The following LIPC variants were observed in gnomAD, a reference collection of about 807,000 sequenced individuals.
The protein encoded by LIPC is hepatic triacylglycerol lipase.
Under a neutral mutation model 50.7 loss-of-function variants are expected in LIPC, and 44 were observed. The observed-to-expected ratio is 0.87, with a 90% CI of 0.68 to 1.11. LIPC has a LOEUF of 1.11. Ranked by LOEUF, LIPC falls within the 50% of genes most tolerant of loss-of-function variation. The pLI, the probability that LIPC is intolerant of heterozygous loss-of-function variation, is 0.00. For missense variants in LIPC, 697 were observed against 648.2 expected, an observed-to-expected ratio of 1.08 and a Z score of -0.82; for synonymous variants, 271 against 256.4, an observed-to-expected ratio of 1.06 and a Z score of -0.54.
intron 1 of LIPC, among the ~76,000 whole-genome samples, chr15:58,474,509 T>A (rs1326919357): frequency 1.8e-5 from 1 of 56,264 alleles, no homozygotes; most frequent in Non-Finnish European, 3.5e-5. Flanking sequence ...AGACCCTGTC[T>A]CAGGAAAAAA....
chr15:58,536,742 A>T (rs2140902723), intron 1 of LIPC, among the ~76,000 whole-genome samples: 1 of 152,380 alleles, frequency 6.6e-6, no homozygotes, highest in East Asian at 1.9e-4. Context: ...CAGAAAAGTT[A>T]TTCAAATTCT....
intron 1 of LIPC, among the ~76,000 whole-genome samples, chr15:58,531,047 G>A (rs1383472684): frequency 1.3e-5 from 2 of 152,152 alleles, no homozygotes; most frequent in African/African-American, 2.4e-5. Flanking sequence ...TATAGTAAGT[G>A]TACATTTGCC....
chr15:58,510,576 T>C (rs1248812722), intron 1 of LIPC, among the ~76,000 whole-genome samples: 1 of 152,214 alleles, frequency 6.6e-6, no homozygotes, highest in African/African-American at 2.4e-5. Context: ...TGCAAGAGGA[T>C]TGCCCATCAG....
At position 58,563,688 on chromosome 15, in the gene LIPC, G is replaced by A; in HGVS notation, c.1353G>A (p.Lys451=). The A allele has an allele frequency of 1.2e-6, 2 of 1,613,714 alleles. No homozygotes were observed. The highest frequency in any genetic ancestry group is 1.7e-6 in the Non-Finnish European group (2 of 1,180,038). The change falls in exon 8 of 9, where the codon AAG becomes AAA. Residue 451 remains lysine, a synonymous_variant. Transcript: ENST00000299022. ...TGPRHSGLVL[K]TIRVKAGETQ... ...CGCGCCACTCAGGCCTCGTTCTGAA[G>A]ACGATCAGAGTCAAAGCAGGAGAAA... is the stretch of plus-strand genomic sequence containing the variant.
At chr15:58,460,904 G>A (rs938116917) in intron 1 of LIPC, among the ~76,000 whole-genome samples, 3 of 152,206 alleles carry the variant, frequency 2.0e-5, no homozygotes, top group South Asian at 4.1e-4. Context: ...GGGCCAGATT[G>A]GTGCTTCTCT....
chr15:58,539,032 A>G (rs1208110545), intron 2 of LIPC, among the ~76,000 whole-genome samples: 1 of 152,250 alleles, frequency 6.6e-6, no homozygotes, highest in Non-Finnish European at 1.5e-5. Flanking sequence ...AGCTTTGGTC[A>G]GTGAAGTCCT....
At chr15:58,452,720 T>G (rs1893950549) in intron 1 of LIPC, among the ~76,000 whole-genome samples, 2 of 110,968 alleles carry the variant, frequency 1.8e-5, no homozygotes, top group South Asian at 2.7e-4. Flanking sequence ...CACCGTGGGG[T>G]AGGGTGGAGT....
chr15:58,517,820 G>A (rs1163967804), intron 1 of LIPC, among the ~76,000 whole-genome samples: 3 of 152,218 alleles, frequency 2.0e-5, no homozygotes, highest in African/African-American at 7.2e-5. Flanking sequence ...TTGTGATTCT[G>A]ACAACAAGCG....
At chr15:58,477,429 GA>G (rs1891038201) in intron 1 of LIPC, among the ~76,000 whole-genome samples, 1 of 152,200 alleles carries the variant, frequency 6.6e-6, no homozygotes, top group African/African-American at 2.4e-5. Context: ...GGACAGAAAT[GA>G]AAAGCACTGA....
intron 8 of LIPC, chr15:58,563,942 G>T: frequency 1.7e-6 from 1 of 581,772 alleles, no homozygotes; most frequent in Admixed American, 2.3e-5. Context: ...ACACACCAGG[G>T]TCTCCCCACT....
chr15:58,471,060 G>A (rs1894774582), intron 1 of LIPC, among the ~76,000 whole-genome samples: 1 of 151,668 alleles, frequency 6.6e-6, no homozygotes. Flanking sequence ...TGAAATTTAT[G>A]GAGGCCTCAG....
chr15:58,565,129 A>G, intron 8 of LIPC: 2 of 1,430,858 alleles, frequency 1.4e-6, no homozygotes, highest in South Asian at 1.2e-5. Flanking sequence ...TCTCCCTGGG[A>G]TGCAAAATCC....
Position 58,509,824 on chromosome 15 carries a change from A to G in LIPC, c.89-28509A>G, listed in dbSNP as rs116235774. On this transcript the variant is annotated intron_variant, in intron 1 of 8. Coordinates refer to ENST00000299022, the MANE Select transcript of LIPC (RefSeq NM_000236.3). ...AGACAAGTGTTATACAAAATTACAT[A>G]ATATGATAGGAATGCTGTCAATGGA... Among the ~76,000 whole-genome samples, 1,508 of 152,290 alleles carry G rather than the reference A, an allele frequency of 9.9e-3. 22 individuals are homozygous for G. Among genetic ancestry groups the G allele is most frequent in the African/African-American group, 0.034 (1,405 of 41,566 alleles).
At chr15:58,525,748 T>A (rs1892781933) in intron 1 of LIPC, among the ~76,000 whole-genome samples, 1 of 152,228 alleles carries the variant, frequency 6.6e-6, no homozygotes, top group South Asian at 2.1e-4. Flanking sequence ...ATGAGGGTGA[T>A]CCCAGATAAC....
At chr15:58,463,208 T>C (rs1358091435) in intron 1 of LIPC, among the ~76,000 whole-genome samples, 1 of 152,188 alleles carries the variant, frequency 6.6e-6, no homozygotes, top group Non-Finnish European at 1.5e-5. Context: ...TCATCTTCCA[T>C]GGACATGGAG....
chr15:58,486,991 C>T (rs1227680966), intron 1 of LIPC, among the ~76,000 whole-genome samples: 1 of 152,174 alleles, frequency 6.6e-6, no homozygotes, highest in Non-Finnish European at 1.5e-5. Context: ...AACGGGGGCA[C>T]ACTTCCCTCC....
intron 1 of LIPC, among the ~76,000 whole-genome samples, chr15:58,444,101 G>A (rs1893602716): frequency 1.3e-5 from 2 of 152,202 alleles, no homozygotes; most frequent in African/African-American, 4.8e-5. Flanking sequence ...TCAGAGGCCT[G>A]ACAGTCTCCT....
rs1451444176 is a variant in LIPC at position 58,545,832 on chromosome 15, C to T, written c.665C>T (p.Thr222Ile). The change falls in exon 5 of 9, where the codon ACC becomes ATC. Residue 222 changes from threonine (T) to isoleucine (I), a missense_variant. Physicochemically the swap from Thr to Ile is moderately conservative, Grantham distance 89. Coordinates refer to ENST00000299022, the MANE Select transcript of LIPC (RefSeq NM_000236.3). ...GCCAATTTTGTGGATGCCATTCATA[C>T]CTTTACCCGGGAGCACATGGGCCTG... Reference protein sequence around the residue: ...DDANFVDAIHTFTREHMGLSV... With the variant: ...DDANFVDAIHIFTREHMGLSV... The T allele has an allele frequency of 1.2e-6, 2 of 1,614,088 alleles. No homozygotes were observed. The highest frequency in any genetic ancestry group is 1.7e-6 in the Non-Finnish European group (2 of 1,180,042).
chr15:58,434,264 G>A lies in LIPC; in HGVS notation c.88+2144G>A, dbSNP rs17190510. Reference sequence around the variant, plus strand: ...TGCCAAGCTTCAACTGTCACTCATCGAGCACCAGGAAGTACTCCCTCAAGG... The same window carrying A: ...TGCCAAGCTTCAACTGTCACTCATCAAGCACCAGGAAGTACTCCCTCAAGG... On this transcript the variant is annotated intron_variant, in intron 1 of 8. Coordinates refer to ENST00000299022, the MANE Select transcript of LIPC (RefSeq NM_000236.3). Among the ~76,000 whole-genome samples, 9 of 152,150 alleles carry A rather than the reference G, an allele frequency of 5.9e-5. 1 individual carries two copies. The highest frequency in any genetic ancestry group is 1.2e-4 in the Non-Finnish European group (8 of 67,978).
Sources: allele counts gnomAD v4.1 joint callset (sites outside exome capture counted in the v4.1 genomes callset), GRCh38; gene constraint gnomAD v4.1.1; transcripts MANE v1.5; gene names NCBI Gene and HGNC (gene_info 2026-07-23, HGNC 2026-07-21).